Variants in NBEA observed in about 807,000 individuals in gnomAD.
NBEA encodes the protein lysosomal-trafficking regulator 2.
Under a neutral mutation model 343.4 loss-of-function variants are expected in NBEA, and 44 were observed. That is an observed-to-expected ratio of 0.13 (90% confidence interval 0.10 to 0.16). The LOEUF is 0.16. NBEA is among the 10% of genes least tolerant of loss of function. The pLI, the probability that NBEA is intolerant of heterozygous loss-of-function variation, is 1.00. For synonymous variants in NBEA, 1,175 were observed against 1,238.7 expected (o/e 0.95, Z 1.08); for missense variants, 2,555 against 3,631.3 (o/e 0.70, Z 7.62).
chr13:35,001,966 G>A (rs1036160744), intron 1 of NBEA, among the ~76,000 whole-genome samples: 1 of 152,130 alleles, frequency 6.6e-6, no homozygotes, highest in African/African-American at 2.4e-5. Flanking sequence ...ATAGGTGACA[G>A]TATATCCCCG....
chr13:35,267,657 C>CA lies in NBEA; in HGVS notation c.5777-22723dup, dbSNP rs144075829. 9.8e-3 allele frequency among the ~76,000 whole-genome samples: 1,471 copies of CA among 149,604 alleles called. 25 individuals carry two copies. The highest frequency in any genetic ancestry group is 0.034 in the African/African-American group (1,396 of 40,958). ...ATAAAAATCTCCTAAAACTCAACCACAAAAAAAAACTCAAAAAAGCACAAA... is the reference window on the plus strand; with the variant it reads ...ATAAAAATCTCCTAAAACTCAACCACAAAAAAAAAACTCAAAAAAGCACAAA... On this transcript the variant is annotated intron_variant, in intron 34 of 58. Transcript: ENST00000379939.
intron 1 of NBEA, among the ~76,000 whole-genome samples, chr13:34,994,387 G>C (rs2060870062): frequency 6.6e-6 from 1 of 151,866 alleles, no homozygotes. Context: ...AAATAGGGGA[G>C]ATTTATTTCA....
intron 31 of NBEA, among the ~76,000 whole-genome samples, chr13:35,204,346 C>A (rs1351711348): frequency 6.6e-6 from 1 of 152,148 alleles, no homozygotes; most frequent in African/African-American, 2.4e-5. Flanking sequence ...TACAGTTCCA[C>A]ATGGCTGGGG....
At chr13:35,049,703 C>T (rs1355802163) in intron 5 of NBEA, among the ~76,000 whole-genome samples, 2 of 151,710 alleles carry the variant, frequency 1.3e-5, no homozygotes, top group East Asian at 1.9e-4. Flanking sequence ...TTTTCTACAT[C>T]GTGATAAATT....
chr13:35,337,348 G>A (rs565071611), intron 36 of NBEA, among the ~76,000 whole-genome samples: 13 of 151,984 alleles, frequency 8.6e-5, no homozygotes, highest in African/African-American at 3.1e-4. Context: ...TCAAAAGAAC[G>A]GATGACTATG....
chr13:35,454,353 A>G (rs2046452608), intron 40 of NBEA, among the ~76,000 whole-genome samples: 1 of 152,240 alleles, frequency 6.6e-6, no homozygotes. Context: ...TCTTAGGTTT[A>G]AGAAATCAGC....
intron 39 of NBEA, among the ~76,000 whole-genome samples, chr13:35,442,914 C>T (rs2045814879): frequency 6.6e-6 from 1 of 152,094 alleles, no homozygotes; most frequent in African/African-American, 2.4e-5. Flanking sequence ...TGTCAGCTTA[C>T]TGGAGTTGGG....
Position 35,040,950 on chromosome 13 carries a change from T to C in NBEA, c.312T>C (p.Phe104=). 5 of 1,613,052 alleles carry C rather than the reference T, an allele frequency of 3.1e-6. No individual in the cohort carries two copies. The highest frequency in any genetic ancestry group is 4.2e-6 in the Non-Finnish European group (5 of 1,179,274). ...TVLNLLVGGE[F]DLEMNFIIQD... is the part of the protein sequence containing the mutation. ...ACTTTCAGCTGGTTGGTGGAGAATTTGACTTGGAGATGAACTTTATTATCC... is the reference window on the plus strand; with the variant it reads ...ACTTTCAGCTGGTTGGTGGAGAATTCGACTTGGAGATGAACTTTATTATCC... The change falls in exon 2 of 59, where the codon TTT becomes TTC. Residue 104 remains phenylalanine, a synonymous_variant. Coordinates refer to ENST00000379939, the MANE Select transcript of NBEA (RefSeq NM_001385012.1).
intron 48 of NBEA, among the ~76,000 whole-genome samples, chr13:35,615,075 G>C (rs1217875777): frequency 6.8e-6 from 1 of 147,168 alleles, no homozygotes; most frequent in African/African-American, 2.5e-5. Context: ...TTGAGACCAG[G>C]AGTTCAAGGA....
At chr13:35,010,740 AAATATATAT>A (rs1254756923) in intron 1 of NBEA, among the ~76,000 whole-genome samples, 12 of 33,626 alleles carry the variant, frequency 3.6e-4, no homozygotes, top group African/African-American at 5.6e-4. Context: ...AAAAAAAAAA[AAATATATAT>A]ATATATATAT....
intron 32 of NBEA, among the ~76,000 whole-genome samples, chr13:35,209,724 A>G (rs1390818457): frequency 6.6e-6 from 1 of 152,014 alleles, no homozygotes; most frequent in Admixed American, 6.6e-5. Flanking sequence ...TTAATTTCAT[A>G]GCTCTTTTTT....
chr13:35,279,995 A>G (rs2034931602), intron 34 of NBEA, among the ~76,000 whole-genome samples: 1 of 152,134 alleles, frequency 6.6e-6, no homozygotes, highest in Non-Finnish European at 1.5e-5. Context: ...TTTAACATAT[A>G]AGACTATTTT....
At chr13:35,082,688 G>C (rs8002205) in intron 10 of NBEA, among the ~76,000 whole-genome samples, 1 of 151,914 alleles carries the variant, frequency 6.6e-6, no homozygotes, top group Non-Finnish European at 1.5e-5. Context: ...GCATTTTTTC[G>C]TGTGTCTTTT....
intron 13 of NBEA, among the ~76,000 whole-genome samples, chr13:35,113,466 A>C (rs1425911091): frequency 2.6e-5 from 4 of 152,108 alleles, no homozygotes; most frequent in Non-Finnish European, 4.4e-5. Flanking sequence ...TACTTGTTTT[A>C]GTTTGTTGAT....
At position 35,117,440 on chromosome 13, in the gene NBEA, A is replaced by G. The variant is rs533180141; in HGVS notation, c.2029A>G (p.Ile677Val). 1.7e-5 allele frequency: 23 copies of G among 1,382,638 alleles called. No individual in the cohort carries two copies. The highest frequency in any genetic ancestry group is 2.2e-5 in the Non-Finnish European group (23 of 1,056,000). The allele number at this position is 1,382,638 out of a possible 1,614,324, so 85.6% of individuals were successfully genotyped here. ...TGGTCCCCGGCCATCACAAAAAGAA[A>G]TTATATCACTGAGGGCATTTATGCT... ...LDGPRPSQKE[I>V]ISLRAFMLLF... is the part of the protein sequence containing the mutation. The change falls in exon 14 of 59, where the codon ATT becomes GTT. Residue 677 changes from isoleucine (I) to valine (V), a missense_variant. This residue lies in a region of NBEA where 360 missense variants were observed against 519.1 expected (regional missense o/e 0.69). Coordinates refer to ENST00000379939, the MANE Select transcript of NBEA (RefSeq NM_001385012.1).
At chr13:35,212,257 C>T (rs2073824949) in intron 33 of NBEA, among the ~76,000 whole-genome samples, 1 of 152,060 alleles carries the variant, frequency 6.6e-6, no homozygotes, top group Admixed American at 6.6e-5. Flanking sequence ...AATGTAAGTA[C>T]ATCCTATGTA....
chr13:35,654,955 T>C lies in NBEA; in HGVS notation c.8136T>C (p.Tyr2712=), dbSNP rs1381898498. 1.3e-6 allele frequency: 2 copies of C among 1,576,848 alleles called. No individual in the cohort carries two copies. Among genetic ancestry groups the C allele is most frequent in the Non-Finnish European group, 8.6e-7 (1 of 1,166,760 alleles). ...HCFVVTADNR[Y]ILICGFWDKS... ...TTGTGGTAACAGCAGATAATCGCTA[T>C]ATTCTTATCTGTGGATTCTGGGATA... is the stretch of plus-strand genomic sequence containing the variant. The change falls in exon 54 of 59, where the codon TAT becomes TAC. Residue 2712 remains tyrosine (Y), a synonymous_variant. Coordinates refer to ENST00000379939, the MANE Select transcript of NBEA (RefSeq NM_001385012.1).
At chr13:34,945,590 T>C (rs1004294728) in intron 1 of NBEA, among the ~76,000 whole-genome samples, 1 of 152,112 alleles carries the variant, frequency 6.6e-6, no homozygotes, top group Admixed American at 6.5e-5. Context: ...CAGTTTTAGT[T>C]TAACACATTA....
chr13:35,275,568 A>G (rs886709287), intron 34 of NBEA, among the ~76,000 whole-genome samples: 8 of 152,204 alleles, frequency 5.3e-5, no homozygotes, highest in African/African-American at 1.9e-4. Flanking sequence ...TGAACAGGCA[A>G]CCTACAGAAT....
Sources: allele counts gnomAD v4.1 joint callset (sites outside exome capture counted in the v4.1 genomes callset), GRCh38; gene constraint gnomAD v4.1.1; regional missense constraint gnomAD v4.1.1; transcripts MANE v1.5; gene names NCBI Gene and HGNC (gene_info 2026-07-23, HGNC 2026-07-21).